Variants in TENM1 observed in about 807,000 individuals in gnomAD.
TENM1 encodes teneurin-1.
TENM1 carries 35 observed loss-of-function variants against 174.8 expected under a neutral mutation model. That is an observed-to-expected ratio of 0.20 (90% confidence interval 0.15 to 0.27). The LOEUF (loss-of-function observed/expected upper bound fraction) is 0.27. TENM1 is among the 10% of genes least tolerant of loss of function. The pLI is 1.00. For missense variants in TENM1, 1,633 were observed against 2,130.1 expected, an observed-to-expected ratio of 0.77 and a Z score of 4.59; for synonymous variants, 781 against 798.7, an observed-to-expected ratio of 0.98 and a Z score of 0.37.
chrX:124,705,294 C>CAT, intron 4 of TENM1, 43 bp from the exon 8 acceptor site: 1 of 1,008,812 alleles, frequency 9.9e-7, no homozygotes, highest in Non-Finnish European at 1.4e-6. Context: ...AAAGCAAAGC[C>CAT]AGTTGCTACA....
Position 124,808,088 on chromosome X carries a change from T to C in TENM1, c.536-70891A>G, listed in dbSNP as rs1450509285. The stretch of plus-strand genomic sequence containing the variant: ...AGCTATATGCTGCCTACAAGAGACA[T>C]ATATAATCTATAAGGACACATATAG... On this transcript the variant is annotated intron_variant, in intron 3 of 31. Coordinates refer to ENST00000422452, the Ensembl canonical transcript of TENM1. 5.4e-5 allele frequency among the ~76,000 whole-genome samples: 6 copies of C among 111,472 alleles called. No individual in the cohort carries two copies. In the South Asian group the frequency reaches 1.9e-3, roughly 35 times the overall value.
chrX:124,783,627 G>A (rs900465384), intron 3 of TENM1, among the ~76,000 whole-genome samples: 2 of 111,513 alleles, frequency 1.8e-5, no homozygotes, highest in African/African-American at 3.3e-5. Flanking sequence ...TGACCTTTAG[G>A]AACTGGAGAG....
chrX:124,963,714 T>G, exon 1 of TENM1: 1 of 1,211,704 alleles, frequency 8.3e-7, no homozygotes, highest in Non-Finnish European at 1.1e-6. Flanking sequence ...TGCTTGACTT[T>G]TGGTAGAGGC....
chrX:124,380,166 C>A, exon 32 of TENM1: 1 of 137,352 alleles, frequency 7.3e-6, no homozygotes, highest in Non-Finnish European at 1.4e-5. Context: ...GTAAGTTCTG[C>A]CAACAGTTAA....
the TENM1 span, among the ~76,000 whole-genome samples, chrX:125,061,304 C>T: frequency 9.0e-6 from 1 of 111,436 alleles, no homozygotes; most frequent in African/African-American, 3.3e-5. Flanking sequence ...TTAATGCCCA[C>T]GGTTCTTTTG....
chrX:124,753,532 A>G (rs1165821704), intron 3 of TENM1, among the ~76,000 whole-genome samples: 45 of 103,176 alleles, frequency 4.4e-4, no homozygotes, highest in Admixed American at 4.3e-4. Flanking sequence ...TATGTTGAAT[A>G]GGAGTGGTGA....
At chrX:125,071,609 C>T in the TENM1 span, among the ~76,000 whole-genome samples, 2 of 111,586 alleles carry the variant, frequency 1.8e-5, no homozygotes, top group South Asian at 7.4e-4. Flanking sequence ...AATTAACATC[C>T]CCTTCCCTAA....
the TENM1 span, among the ~76,000 whole-genome samples, chrX:125,161,777 GTTTTA>G: frequency 1.8e-5 from 2 of 112,141 alleles, no homozygotes; most frequent in Non-Finnish European, 3.8e-5. Flanking sequence ...AAATGGGTGA[GTTTTA>G]TTTTATGTGA....
chrX:124,556,487 G>C (rs780562813), intron 14 of TENM1, among the ~76,000 whole-genome samples: 1 of 110,958 alleles, frequency 9.0e-6, no homozygotes, highest in African/African-American at 3.3e-5. Flanking sequence ...GTTAGCCAAG[G>C]GTTTAGCAGA....
rs767024767 is a variant in TENM1 at position 124,868,010 on chromosome X, T to C, written c.535+26286A>G. Among the ~76,000 whole-genome samples, 11 of 111,908 alleles carry C rather than the reference T, an allele frequency of 9.8e-5. No homozygotes were observed. The East Asian group carries it at 2.5e-3, about 26-fold the overall frequency. On this transcript the variant is annotated intron_variant, in intron 3 of 31. Coordinates refer to ENST00000422452, the Ensembl canonical transcript of TENM1. ...CACCAAAAAATGGAAAAATATTCCA[T>C]GTTCATGGACTGGAGGAAACAATAT...
chrX:124,485,871 T>C (rs1275915838), intron 21 of TENM1, among the ~76,000 whole-genome samples: 1 of 111,805 alleles, frequency 8.9e-6, no homozygotes, highest in Admixed American at 9.5e-5. Context: ...GCAAAACAAA[T>C]CAGCGTTCCT....
intron 3 of TENM1, among the ~76,000 whole-genome samples, chrX:124,799,249 T>C (rs773195567): frequency 1.2e-4 from 13 of 111,575 alleles, no homozygotes; most frequent in Non-Finnish European, 2.4e-4. Context: ...GGTAGTTTAA[T>C]GGGAATAGCA....
intron 4 of TENM1, among the ~76,000 whole-genome samples, chrX:124,711,399 T>C (rs1002149158): frequency 3.6e-5 from 4 of 112,271 alleles, no homozygotes; most frequent in African/African-American, 6.5e-5. Flanking sequence ...TAAAATTCTA[T>C]AGGAAACAGA....
chrX:124,730,224 T>C (rs766574640), intron 4 of TENM1, among the ~76,000 whole-genome samples: 44 of 111,721 alleles, frequency 3.9e-4, no homozygotes, highest in African/African-American at 1.4e-3. Flanking sequence ...ATGTTGTATA[T>C]GTTTACTTTG....
chrX:124,784,650 C>A (rs1235080663), intron 3 of TENM1, among the ~76,000 whole-genome samples: 1 of 111,381 alleles, frequency 9.0e-6, no homozygotes, highest in Admixed American at 9.6e-5. Context: ...GATGATCTCT[C>A]CTGGGATTTT....
At chrX:124,924,659 A>G (rs1022786912) in intron 1 of TENM1, among the ~76,000 whole-genome samples, 11 of 111,941 alleles carry the variant, frequency 9.8e-5, no homozygotes, top group African/African-American at 3.6e-4. Flanking sequence ...TGAAGCCAAC[A>G]CTATTTATAT....
chrX:124,840,022 A>T (rs2056466301), intron 3 of TENM1, among the ~76,000 whole-genome samples: 1 of 111,457 alleles, frequency 9.0e-6, no homozygotes, highest in African/African-American at 3.3e-5. Flanking sequence ...ACTTCTCTGG[A>T]CCTCTGTTCT....
At chrX:124,616,837 G>A (rs1427795494) in intron 11 of TENM1, among the ~76,000 whole-genome samples, 1 of 111,599 alleles carries the variant, frequency 9.0e-6, no homozygotes, top group Non-Finnish European at 1.9e-5. Flanking sequence ...ATGTACAGTA[G>A]AGAACTACAG....
intron 8 of TENM1, among the ~76,000 whole-genome samples, chrX:124,648,037 TG>T (rs772171264): frequency 4.9e-4 from 54 of 111,307 alleles, no homozygotes; most frequent in African/African-American, 1.6e-3. Context: ...TTTCTACAAT[TG>T]TGGCCTGTGG....
Sources: allele counts gnomAD v4.1 joint callset (sites outside exome capture counted in the v4.1 genomes callset), GRCh38; gene constraint gnomAD v4.1.1; transcripts MANE v1.5; gene names NCBI Gene and HGNC (gene_info 2026-07-23, HGNC 2026-07-21).